ZBTB38: variants seen among roughly 807,000 people sequenced by gnomAD.
ZBTB38 encodes zinc finger and BTB domain containing 38, also known as zinc finger and BTB domain-containing protein 38.
Under a neutral mutation model 76.8 loss-of-function variants are expected in ZBTB38, and 20 were observed. The ratio of observed to expected loss-of-function variants is 0.26; its 90% CI spans 0.18 to 0.38. ZBTB38 has a LOEUF of 0.38. ZBTB38 is among the 10% of genes least tolerant of loss of function. The pLI, the probability that ZBTB38 is intolerant of heterozygous loss-of-function variation, is 1.00. For missense variants in ZBTB38, 1,082 were observed against 1,482.3 expected (o/e 0.73, Z 4.43); for synonymous variants, 504 against 544.2 (o/e 0.93, Z 1.03).
intron 1 of ZBTB38, among the ~76,000 whole-genome samples, chr3:141,326,152 C>T (rs1942668654): frequency 6.6e-6 from 1 of 152,132 alleles, no homozygotes; most frequent in Non-Finnish European, 1.5e-5. Flanking sequence ...AAGACTATTT[C>T]AAAGTAATTC....
chr3:141,330,172 GTC>G (rs1181265773), intron 1 of ZBTB38, among the ~76,000 whole-genome samples: 87 of 152,300 alleles, frequency 5.7e-4, no homozygotes, highest in African/African-American at 2.1e-3. Flanking sequence ...AGGTGTACGT[GTC>G]CAGTGTTGAC....
At chr3:141,431,971 G>A (rs2077711436) in intron 5 of ZBTB38, 1 of 481,184 alleles carries the variant, frequency 2.1e-6, no homozygotes, top group African/African-American at 2.1e-5. Context: ...CTCCATAAAG[G>A]ACTTCTGTTT....
intron 4 of ZBTB38, chr3:141,396,377 T>C (rs1582874): frequency 0.53 from 81,409 of 154,892 alleles, 24,177 homozygotes; most frequent in African/African-American, 0.82. Context: ...AAATTCAGTC[T>C]CATCTTTAGG....
intron 1 of ZBTB38, among the ~76,000 whole-genome samples, chr3:141,349,361 A>C (rs963982945): frequency 1.1e-4 from 16 of 152,240 alleles, no homozygotes; most frequent in Admixed American, 9.2e-4. Flanking sequence ...CTCTAGGAAG[A>C]AACTAAAGCA....
At position 141,444,930 on chromosome 3, in the gene ZBTB38, A is replaced by G. The variant is rs376104982; in HGVS notation, c.2542A>G (p.Ile848Val). 5.6e-6 allele frequency: 9 copies of G among 1,614,100 alleles called. No individual in the cohort carries two copies. In the Admixed American group the frequency reaches 6.7e-5, roughly 12 times the overall value. ...QITVKIGNEAIVKRHILGSKL... is the reference protein window; with the variant it reads ...QITVKIGNEAVVKRHILGSKL... ...AACAGTGAAAATTGGAAACGAAGCCATTGTGAAAAGGCACATTCTAGGATC... is the reference window on the plus strand; with the variant it reads ...AACAGTGAAAATTGGAAACGAAGCCGTTGTGAAAAGGCACATTCTAGGATC... The change falls in exon 6 of 6, where the codon ATT (isoleucine) becomes GTT (valine). Residue 848 changes from isoleucine (I) to valine (V), a missense_variant. Physicochemically the swap from Ile to Val is conservative, Grantham distance 29. This residue lies in a region of ZBTB38 where 471 missense variants were observed against 581.0 expected (regional missense o/e 0.81). Transcript: ENST00000321464. This position sits in a 1 kb window ranked among gnomAD's most constrained non-coding sequence, Gnocchi z 5.1.
chr3:141,347,345 C>A (rs1943392784), intron 1 of ZBTB38, among the ~76,000 whole-genome samples: 2 of 152,110 alleles, frequency 1.3e-5, no homozygotes, highest in Non-Finnish European at 2.9e-5. Context: ...TGAACCTGAT[C>A]TGAATTCATT....
chr3:141,374,924 C>T (rs1475846516), intron 2 of ZBTB38, among the ~76,000 whole-genome samples: 1 of 152,158 alleles, frequency 6.6e-6, no homozygotes, highest in Non-Finnish European at 1.5e-5. Flanking sequence ...TAGTTTCTCA[C>T]ATTAAAATGC....
At chr3:141,342,781 G>A (rs1943237611) in intron 1 of ZBTB38, among the ~76,000 whole-genome samples, 1 of 150,318 alleles carries the variant, frequency 6.7e-6, no homozygotes, top group Non-Finnish European at 1.5e-5. Flanking sequence ...ACAGGCAGTG[G>A]GAAGAAGCCA....
At position 141,413,715 on chromosome 3, in the gene ZBTB38, C is replaced by T. The variant is rs1184432726; in HGVS notation, c.-1+9684C>T. On this transcript the variant is annotated intron_variant, in intron 5 of 5. Transcript: ENST00000321464. The surrounding 1 kb of genome is among the most constrained non-coding windows in gnomAD (Gnocchi z 4.1). ...GCTTGTTTTAAAGGAGAGCTGAGTG[C>T]CTCTGATAGAAAATCTGATTTCATG... 6.6e-6 allele frequency among the ~76,000 whole-genome samples: 1 copy of T among 152,120 alleles called. No homozygotes were observed. Among genetic ancestry groups the T allele is most frequent in the Non-Finnish European group, 1.5e-5 (1 of 68,024 alleles).
rs112881225 is a variant in ZBTB38 at position 141,425,956 on chromosome 3, T to C, written c.1-16433T>C. 8.3e-4 allele frequency among the ~76,000 whole-genome samples: 126 copies of C among 152,346 alleles called. 3 individuals are homozygous for C. Among genetic ancestry groups the C allele is most frequent in the African/African-American group, 2.9e-3 (119 of 41,578 alleles). On this transcript the variant is annotated intron_variant, in intron 5 of 5. Coordinates refer to ENST00000321464, the MANE Select transcript of ZBTB38 (RefSeq NM_001376113.1). Reference sequence around the variant, plus strand: ...TGAGGCCTAAATGGAATGATATAAATGCAGTGTGTAGAACGGTGCAGAGCA... The same window carrying C: ...TGAGGCCTAAATGGAATGATATAAACGCAGTGTGTAGAACGGTGCAGAGCA...
intron 4 of ZBTB38, among the ~76,000 whole-genome samples, chr3:141,397,516 A>G (rs184080198): frequency 4.6e-5 from 7 of 152,340 alleles, no homozygotes; most frequent in Admixed American, 4.6e-4. Context: ...TGCTTAGCAC[A>G]AGAGGGCTAG....
chr3:141,361,842 A>G (rs1358429571), intron 1 of ZBTB38, among the ~76,000 whole-genome samples: 1 of 152,214 alleles, frequency 6.6e-6, no homozygotes, highest in Admixed American at 6.5e-5. Context: ...CAGATCACTA[A>G]GAGGAGTTTA....
chr3:141,397,854 A>G (rs1052302553), intron 4 of ZBTB38, among the ~76,000 whole-genome samples: 1 of 152,346 alleles, frequency 6.6e-6, no homozygotes, highest in African/African-American at 2.4e-5. Flanking sequence ...ACAGATCACT[A>G]TAACACATAT....
intron 2 of ZBTB38, among the ~76,000 whole-genome samples, chr3:141,371,632 C>T (rs1484037212): frequency 6.6e-6 from 1 of 151,010 alleles, no homozygotes; most frequent in African/African-American, 2.4e-5. Context: ...CATGAGCCAC[C>T]GGGCCCAGCC....
chr3:141,358,158 G>GC (rs1173246815), intron 1 of ZBTB38, among the ~76,000 whole-genome samples: 1 of 152,178 alleles, frequency 6.6e-6, no homozygotes, highest in East Asian at 1.9e-4. Flanking sequence ...CAAGGTAAGC[G>GC]CCACAGGAAG....
At chr3:141,435,708 C>T (rs1041093534) in intron 5 of ZBTB38, among the ~76,000 whole-genome samples, 8 of 150,920 alleles carry the variant, frequency 5.3e-5, no homozygotes, top group Non-Finnish European at 1.0e-4. Context: ...TGTAGTGAGC[C>T]AAGATCGCAC....
At chr3:141,414,992 G>A (rs1195900436) in intron 5 of ZBTB38, among the ~76,000 whole-genome samples, 1 of 151,818 alleles carries the variant, frequency 6.6e-6, no homozygotes. Context: ...TAATGTCTTT[G>A]ACGCACATAG....
At chr3:141,394,447 A>C (rs2149406208) in intron 4 of ZBTB38, 1 of 152,360 alleles carries the variant, frequency 6.6e-6, no homozygotes, top group East Asian at 1.9e-4. Flanking sequence ...ATTAAACATT[A>C]AATGAAATAA....
chr3:141,361,203 G>A (rs1214358954), intron 1 of ZBTB38, among the ~76,000 whole-genome samples: 1 of 152,184 alleles, frequency 6.6e-6, no homozygotes, highest in Non-Finnish European at 1.5e-5. Context: ...TTTGTCTTGT[G>A]CCTGGTGCCA....
Sources: gnomAD v4.1 joint callset for allele counts (sites outside exome capture counted in the v4.1 genomes callset) on GRCh38, gnomAD v4.1.1 for gene constraint, gnomAD v4.1.1 regional missense constraint, Gnocchi (gnomAD v3.1) non-coding constraint, MANE v1.5 for transcripts, NCBI Gene and HGNC (gene_info 2026-07-23, HGNC 2026-07-21) for gene names.